Variants in TEK observed in about 807,000 individuals in gnomAD.
TEK encodes TEK receptor tyrosine kinase.
Under a neutral mutation model 131.8 loss-of-function variants are expected in TEK, and 43 were observed. The ratio of observed to expected loss-of-function variants is 0.33; its 90% CI spans 0.26 to 0.42. The LOEUF (loss-of-function observed/expected upper bound fraction) is 0.42. Among genes scored for constraint, TEK ranks in the 10% least tolerant of loss-of-function variants. The pLI is 1.00. For synonymous variants in TEK, 580 were observed against 491.6 expected (o/e 1.18, Z -2.38); for missense variants, 1,162 against 1,384.4 (o/e 0.84, Z 2.55).
At chr9:27,136,885 G>GA (rs1172674841) in intron 1 of TEK, among the ~76,000 whole-genome samples, 3 of 151,938 alleles carry the variant, frequency 2.0e-5, no homozygotes, top group Non-Finnish European at 4.4e-5. Flanking sequence ...CTGCTAAAGA[G>GA]AAAAAAAATC....
intron 19 of TEK, among the ~76,000 whole-genome samples, chr9:27,217,995 C>T (rs1203513947): frequency 6.6e-6 from 1 of 151,992 alleles, no homozygotes; most frequent in Non-Finnish European, 1.5e-5. Context: ...GTGTATTCCT[C>T]ATGTGCTTCA....
intron 1 of TEK, among the ~76,000 whole-genome samples, chr9:27,135,569 A>T (rs1006568876): frequency 1.2e-4 from 19 of 152,024 alleles, no homozygotes; most frequent in Admixed American, 5.2e-4. Flanking sequence ...ATTTACGAAA[A>T]TTTTTTTTCG....
intron 1 of TEK, among the ~76,000 whole-genome samples, chr9:27,130,720 G>A (rs1186878624): frequency 6.7e-6 from 1 of 149,938 alleles, no homozygotes; most frequent in African/African-American, 2.5e-5. Flanking sequence ...GGGATTACAG[G>A]TGTGCACCAC....
intron 16 of TEK, among the ~76,000 whole-genome samples, chr9:27,209,771 C>T (rs1332214390): frequency 6.6e-6 from 1 of 152,238 alleles, no homozygotes; most frequent in Non-Finnish European, 1.5e-5. Context: ...AGCTTTACAA[C>T]TATCCTGTGT....
intron 18 of TEK, among the ~76,000 whole-genome samples, chr9:27,215,244 T>C (rs1477571046): frequency 6.6e-6 from 1 of 152,112 alleles, no homozygotes; most frequent in African/African-American, 2.4e-5. Context: ...AGGTCTCAAC[T>C]CTATCTTACA....
Position 27,173,505 on chromosome 9 carries a change from T to G in TEK, c.901+143T>G, listed in dbSNP as rs1824042862. ...ACAACAGGATTTTGAATCATGGATG[T>G]TTACATCCAATGTTAATTATACTTT... On this transcript the variant is annotated intron_variant, in intron 6 of 22. Transcript: ENST00000380036. 5.0e-6 allele frequency: 5 copies of G among 1,008,186 alleles called. No homozygotes were observed. The South Asian group carries it at 5.3e-5, about 11-fold the overall frequency. The allele number at this position is 1,008,186 out of a possible 1,614,324, so 62.5% of individuals were successfully genotyped here.
rs148120858 is a variant in TEK, at chr9:27,190,644, T to C, written c.1443T>C (p.Leu481=). The C allele has an allele frequency of 1.2e-6, 2 of 1,613,896 alleles. No individual in the cohort carries two copies. Among genetic ancestry groups the C allele is most frequent in the African/African-American group, 2.7e-5 (2 of 74,912 alleles). ...ATGGACCAATCAAATCCAAGAAGCTTCTATACAAACCCGTTAATCACTATG... is the reference window on the plus strand; with the variant it reads ...ATGGACCAATCAAATCCAAGAAGCTCCTATACAAACCCGTTAATCACTATG... ...FGDGPIKSKK[L]LYKPVNHYEA... The change falls in exon 10 of 23, where the codon CTT becomes CTC. Residue 481 remains leucine (L), a synonymous_variant. Coordinates refer to ENST00000380036, the MANE Select transcript of TEK (RefSeq NM_000459.5).
intron 6 of TEK, among the ~76,000 whole-genome samples, chr9:27,177,343 G>A (rs1384442284): frequency 6.6e-6 from 1 of 152,172 alleles, no homozygotes; most frequent in Non-Finnish European, 1.5e-5. Context: ...CTACATCCTT[G>A]CCATTCTAGC....
intron 7 of TEK, among the ~76,000 whole-genome samples, chr9:27,182,236 G>A (rs75294403): frequency 4.9e-4 from 74 of 152,262 alleles, no homozygotes; most frequent in Non-Finnish European, 9.3e-4. Flanking sequence ...GGTGTCACTA[G>A]GGCTTTCAGA....
At chr9:27,162,486 A>G (rs999522375) in intron 2 of TEK, among the ~76,000 whole-genome samples, 2 of 152,210 alleles carry the variant, frequency 1.3e-5, no homozygotes, top group African/African-American at 2.4e-5. Flanking sequence ...TTCAGATCCA[A>G]AGACCTGTTT....
intron 16 of TEK, among the ~76,000 whole-genome samples, chr9:27,212,135 A>G (rs1038653634): frequency 3.9e-5 from 6 of 152,122 alleles, no homozygotes; most frequent in Non-Finnish European, 5.9e-5. Context: ...TTTGAAACTA[A>G]CCTCTGGTGG....
intron 21 of TEK, among the ~76,000 whole-genome samples, chr9:27,227,648 A>G (rs2131264907): frequency 6.6e-6 from 1 of 152,268 alleles, no homozygotes; most frequent in African/African-American, 2.4e-5. Context: ...GTGTAAGAGC[A>G]CGAATCCCAT....
chr9:27,228,087 A>G lies in TEK; in HGVS notation c.3201-119A>G, dbSNP rs1047252521. On this transcript the variant is annotated intron_variant, in intron 21 of 22. Transcript: ENST00000380036. Reference sequence around the variant, plus strand: ...CTCATAGAAACTTCCTAGGGGCTGTACTTTGGTTAAGCTTCATAACCATGC... The same window carrying G: ...CTCATAGAAACTTCCTAGGGGCTGTGCTTTGGTTAAGCTTCATAACCATGC... 30 of 747,910 alleles carry G rather than the reference A, an allele frequency of 4.0e-5. No homozygotes were observed. In the African/African-American group the frequency reaches 5.2e-4, roughly 13 times the overall value. The allele number at this position is 747,910 out of a possible 1,614,324, so 46.3% of individuals were successfully genotyped here.
rs560970922 is a variant in TEK at position 27,205,363 on chromosome 9, C to T, written c.2364+298C>T. On this transcript the variant is annotated intron_variant, in intron 14 of 22. Coordinates refer to ENST00000380036, the MANE Select transcript of TEK (RefSeq NM_000459.5). ...TATGGTCATCCTAGTAGTAAGTCCCCAGAGATGATATCTTGCAACAGAATA... is the reference window on the plus strand; with the variant it reads ...TATGGTCATCCTAGTAGTAAGTCCCTAGAGATGATATCTTGCAACAGAATA... Among the ~76,000 whole-genome samples the T allele has an allele frequency of 3.9e-5, 6 of 152,262 alleles. No homozygotes were observed. In the South Asian group the frequency reaches 1.2e-3, roughly 32 times the overall value.
chr9:27,209,850 G>A (rs1337192869), intron 16 of TEK, among the ~76,000 whole-genome samples: 1 of 152,178 alleles, frequency 6.6e-6, no homozygotes, highest in Non-Finnish European at 1.5e-5. Flanking sequence ...CTACTGTAAT[G>A]CATGTAATTA....
At chr9:27,172,490 G>A in intron 4 of TEK, 126 bp from the exon 5 acceptor site, 1 of 1,345,532 alleles carries the variant, frequency 7.4e-7, no homozygotes, top group Non-Finnish European at 1.0e-6. Flanking sequence ...CTTTTAGAGA[G>A]CAGAGCCTGT....
chr9:27,129,121 A>G (rs758524914), intron 1 of TEK, among the ~76,000 whole-genome samples: 1 of 152,170 alleles, frequency 6.6e-6, no homozygotes, highest in Non-Finnish European at 1.5e-5. Context: ...TTTGTCATAA[A>G]TAGCTCTTAA....
At chr9:27,141,607 T>C (rs1249312260) in intron 1 of TEK, among the ~76,000 whole-genome samples, 6 of 152,214 alleles carry the variant, frequency 3.9e-5, no homozygotes, top group African/African-American at 1.4e-4. Context: ...GCCTTTATGG[T>C]TACTAGATGT....
In TEK at chr9:27,203,795, G is replaced by C. The variant is rs570199788; in HGVS notation, c.2209+676G>C. On this transcript the variant is annotated intron_variant, in intron 13 of 22. Transcript: ENST00000380036. Reference sequence around the variant, plus strand: ...CAATGTGTGCCAGAGAATGTAGATGGAGGCACGTTAGAGGCAAGTTTTGAA... The same window carrying C: ...CAATGTGTGCCAGAGAATGTAGATGCAGGCACGTTAGAGGCAAGTTTTGAA... Among the ~76,000 whole-genome samples, 3 of 152,360 alleles carry C rather than the reference G, an allele frequency of 2.0e-5. No individual in the cohort carries two copies. The South Asian group carries it at 6.2e-4, about 32-fold the overall frequency.
Sources: allele counts gnomAD v4.1 joint callset (sites outside exome capture counted in the v4.1 genomes callset), GRCh38; gene constraint gnomAD v4.1.1; transcripts MANE v1.5; gene names NCBI Gene and HGNC (gene_info 2026-07-23, HGNC 2026-07-21).